Variants in NRIP1 observed in about 807,000 individuals in gnomAD.
The protein encoded by NRIP1 is nuclear receptor interacting protein 1.
NRIP1 carries 28 observed loss-of-function variants against 75.0 expected under a neutral mutation model. That is an observed-to-expected ratio of 0.37 (90% CI 0.28 to 0.51). The LOEUF is 0.51. Among genes scored for constraint, NRIP1 ranks in the 20% least tolerant of loss-of-function variants. NRIP1 has a pLI of 0.92. For missense variants in NRIP1, 1,435 were observed against 1,343.7 expected (o/e 1.07, Z -1.06); for synonymous variants, 526 against 487.6 (o/e 1.08, Z -1.04).
intron 1 of NRIP1, among the ~76,000 whole-genome samples, chr21:15,044,519 C>T (rs992489550): frequency 5.3e-5 from 8 of 151,922 alleles, no homozygotes; most frequent in African/African-American, 1.9e-4. Context: ...TGCGAACTCC[C>T]TGATACCACC....
At chr21:14,978,493 A>T (rs1430441656) in intron 3 of NRIP1, among the ~76,000 whole-genome samples, 2 of 152,224 alleles carry the variant, frequency 1.3e-5, no homozygotes, top group African/African-American at 4.8e-5. Context: ...TGTTTATTTA[A>T]AAGCTAAATA....
intron 2 of NRIP1, among the ~76,000 whole-genome samples, chr21:15,034,091 T>C (rs2147278248): frequency 6.6e-6 from 1 of 152,354 alleles, no homozygotes. Flanking sequence ...TTGCTTTTGT[T>C]ACTACCACAG....
intron 2 of NRIP1, among the ~76,000 whole-genome samples, chr21:15,029,172 C>G (rs1306648156): frequency 6.6e-6 from 1 of 152,188 alleles, no homozygotes; most frequent in African/African-American, 2.4e-5. Flanking sequence ...TTTGACACCT[C>G]TTTGGTCTAC....
chr21:15,012,447 C>CTTTTTTTTTTTTTTTTTTTTTT (rs869160226), intron 3 of NRIP1, among the ~76,000 whole-genome samples: 2 of 79,366 alleles, frequency 2.5e-5, no homozygotes, highest in East Asian at 5.1e-4. Context: ...ATTATAATGT[C>CTTTTTTTTTTTTTTTTTTTTTT]TTTTTTTTTT....
intron 3 of NRIP1, among the ~76,000 whole-genome samples, chr21:15,004,333 GA>G (rs2087915972): frequency 2.6e-5 from 4 of 152,170 alleles, no homozygotes; most frequent in South Asian, 2.1e-4. Context: ...TCATAATGTT[GA>G]AGGTAACTTT....
intron 1 of NRIP1, among the ~76,000 whole-genome samples, chr21:15,055,524 A>C (rs539863870): frequency 6.6e-6 from 1 of 152,326 alleles, no homozygotes; most frequent in African/African-American, 2.4e-5. Flanking sequence ...AAAATAAGGT[A>C]CTAGAACAAA....
rs561396623 is a variant in NRIP1, at chr21:15,026,239, A to C, written c.-457-11773T>G. Among the ~76,000 whole-genome samples the C allele has an allele frequency of 1.9e-4, 29 of 152,358 alleles. No individual in the cohort carries two copies. In the South Asian group the frequency reaches 5.8e-3, roughly 30 times the overall value. ...TACATAATGGGCATAGGACATAATA[A>C]GAATTTCATAAGATAGTACACCAAT... On this transcript the variant is annotated intron_variant, in intron 2 of 3. Coordinates refer to ENST00000318948, the MANE Select transcript of NRIP1 (RefSeq NM_003489.4).
At chr21:15,002,888 T>C (rs28583059) in intron 3 of NRIP1, among the ~76,000 whole-genome samples, 9,556 of 152,260 alleles carry the variant, frequency 0.063, 412 homozygotes, top group African/African-American at 0.11. Flanking sequence ...TAATAAGACA[T>C]ACAAAAGATT....
At chr21:15,051,892 T>C (rs1234083055) in intron 1 of NRIP1, 1 of 152,240 alleles carries the variant, frequency 6.6e-6, no homozygotes, top group African/African-American at 2.4e-5. Context: ...CATTAGTCTG[T>C]GGGAAACCCA....
chr21:15,043,447 G>C (rs376504906), intron 2 of NRIP1, 48 bp downstream of exon 2: 1 of 152,144 alleles, frequency 6.6e-6, no homozygotes, highest in South Asian at 2.1e-4. Context: ...CAATTGGAAA[G>C]GCTTGATAAC....
chr21:15,045,184 T>C (rs1024272317), intron 1 of NRIP1, among the ~76,000 whole-genome samples: 1 of 152,154 alleles, frequency 6.6e-6, no homozygotes, highest in Admixed American at 6.5e-5. Flanking sequence ...TAGGTGTCCA[T>C]TCTACCCAGA....
intron 2 of NRIP1, among the ~76,000 whole-genome samples, chr21:15,023,829 G>A (rs753693384): frequency 9.9e-5 from 15 of 152,180 alleles, no homozygotes; most frequent in Admixed American, 2.0e-4. Flanking sequence ...AAGCTAGTGC[G>A]CTCCTGGAAA....
intron 3 of NRIP1, among the ~76,000 whole-genome samples, chr21:14,993,062 A>G (rs1299824818): frequency 6.6e-6 from 1 of 152,206 alleles, no homozygotes; most frequent in Non-Finnish European, 1.5e-5. Context: ...TACCTGTTCA[A>G]TAATCAGTTT....
At position 14,966,583 on chromosome 21, in the gene NRIP1, G is replaced by A; in HGVS notation, c.1610C>T (p.Thr537Ile). The A allele has an allele frequency of 1.2e-6, 2 of 1,614,076 alleles. No individual in the cohort carries two copies. Among genetic ancestry groups the A allele is most frequent in the Admixed American group, 1.7e-5 (1 of 60,016 alleles). The change falls in exon 4 of 4, where the codon ACT becomes ATT. Residue 537 changes from threonine to isoleucine, a missense_variant. Thr to Ile is a moderately conservative substitution (Grantham distance 89). Coordinates refer to ENST00000318948, the MANE Select transcript of NRIP1 (RefSeq NM_003489.4). ...TGTACTGGGGCTTTCTATCACAGAA[G>A]TCCTTGCATAATTTTGTGTATTGAA... ...SKFNTQNYAR[T>I]SVIESPSTNR...
chr21:15,020,901 A>T (rs1430040615), intron 2 of NRIP1, among the ~76,000 whole-genome samples: 3 of 151,970 alleles, frequency 2.0e-5, no homozygotes, highest in African/African-American at 7.3e-5. Flanking sequence ...GACTGAAAAA[A>T]CTCAAAGGTT....
At chr21:14,993,799 AGTGT>A (rs2087639417) in intron 3 of NRIP1, among the ~76,000 whole-genome samples, 1 of 152,014 alleles carries the variant, frequency 6.6e-6, no homozygotes, top group East Asian at 1.9e-4. Context: ...AAAAAATGAC[AGTGT>A]ATATACAACG....
At chr21:15,024,450 G>A (rs1037437669) in intron 2 of NRIP1, among the ~76,000 whole-genome samples, 2 of 152,108 alleles carry the variant, frequency 1.3e-5, no homozygotes, top group African/African-American at 2.4e-5. Flanking sequence ...GCTGAAGCAG[G>A]AGAATTGCTT....
intron 3 of NRIP1, among the ~76,000 whole-genome samples, chr21:15,011,575 G>A (rs2088104897): frequency 6.6e-6 from 1 of 152,070 alleles, no homozygotes; most frequent in Admixed American, 6.5e-5. Context: ...TTCTACCATA[G>A]TTGTCAAAAA....
chr21:15,044,682 ATAAAG>A (rs2089032241), intron 1 of NRIP1, among the ~76,000 whole-genome samples: 1 of 152,162 alleles, frequency 6.6e-6, no homozygotes, highest in African/African-American at 2.4e-5. Context: ...ACCTCCCAAA[ATAAAG>A]TAGCTATTTT....
Sources: gnomAD v4.1 joint callset for allele counts (sites outside exome capture counted in the v4.1 genomes callset) on GRCh38, gnomAD v4.1.1 for gene constraint, MANE v1.5 for transcripts, NCBI Gene and HGNC (gene_info 2026-07-23, HGNC 2026-07-21) for gene names.